The following RARB variants were observed in gnomAD, a reference collection of about 807,000 sequenced individuals.
RARB encodes retinoic acid receptor beta.
Under a neutral mutation model 51.9 loss-of-function variants are expected in RARB, and 17 were observed. The observed-to-expected ratio is 0.33, with a 90% CI of 0.22 to 0.49. RARB has a LOEUF of 0.49. Among genes scored for constraint, RARB ranks in the 20% least tolerant of loss-of-function variants. The pLI is 0.99. For missense variants in RARB, 369 were observed against 550.8 expected, an observed-to-expected ratio of 0.67 and a Z score of 3.30; for synonymous variants, 215 against 195.4, an observed-to-expected ratio of 1.10 and a Z score of -0.84.
chr3:25,360,373 C>T (rs1249792034), intron 5 of RARB, among the ~76,000 whole-genome samples: 2 of 152,152 alleles, frequency 1.3e-5, no homozygotes, highest in Non-Finnish European at 2.9e-5. Context: ...TGTGTCTCTG[C>T]ATGTGAGATG....
chr3:25,075,879 G>A (rs527558314), intron 3 of RARB, among the ~76,000 whole-genome samples: 1 of 152,174 alleles, frequency 6.6e-6, no homozygotes, highest in Non-Finnish European at 1.5e-5. Flanking sequence ...AAATTGAAGA[G>A]TTATCTCTTG....
chr3:25,488,267 T>A (rs73822904), intron 2 of RARB, among the ~76,000 whole-genome samples: 2,301 of 152,288 alleles, frequency 0.015, 61 homozygotes, highest in African/African-American at 0.053. Flanking sequence ...AATAAAAATA[T>A]CAATCTTGAA....
intron 5 of RARB, among the ~76,000 whole-genome samples, chr3:25,198,239 A>G (rs1273909123): frequency 1.3e-5 from 2 of 152,060 alleles, no homozygotes; most frequent in Non-Finnish European, 2.9e-5. Context: ...GAATGAAACT[A>G]GACCCCTTCT....
chr3:25,553,257 A>G (rs533359026), intron 3 of RARB, among the ~76,000 whole-genome samples: 1 of 151,394 alleles, frequency 6.6e-6, no homozygotes, highest in East Asian at 1.9e-4. Context: ...CTTTCACTGG[A>G]TGGGAGCCTC....
At chr3:25,293,649 A>G (rs796641686) in intron 5 of RARB, among the ~76,000 whole-genome samples, 2 of 150,276 alleles carry the variant, frequency 1.3e-5, no homozygotes, top group South Asian at 2.1e-4. Context: ...TGTCTATGAC[A>G]ATAACTAATC....
chr3:25,008,381 C>T (rs1697320653), intron 2 of RARB, among the ~76,000 whole-genome samples: 1 of 152,102 alleles, frequency 6.6e-6, no homozygotes, highest in South Asian at 2.1e-4. Flanking sequence ...TTTATTTTGC[C>T]TGCTCACCTT....
At chr3:25,431,838 G>T (rs1336809814) in intron 1 of RARB, among the ~76,000 whole-genome samples, 4 of 152,050 alleles carry the variant, frequency 2.6e-5, no homozygotes, top group Non-Finnish European at 5.9e-5. Context: ...ATGAGAAAAG[G>T]CCTCTTTTCA....
At chr3:25,259,136 C>A in intron 5 of RARB, 1 of 916,102 alleles carries the variant, frequency 1.1e-6, no homozygotes, top group Non-Finnish European at 1.3e-6. Context: ...TCTCAAGAAA[C>A]ACTATTTAAT....
intron 5 of RARB, among the ~76,000 whole-genome samples, chr3:25,223,870 T>C (rs959962216): frequency 6.6e-6 from 1 of 152,244 alleles, no homozygotes; most frequent in African/African-American, 2.4e-5. Flanking sequence ...TATTTTATTC[T>C]AAATTCCCAG....
chr3:24,869,453 T>A (rs555959701), intron 2 of RARB, among the ~76,000 whole-genome samples: 13 of 152,268 alleles, frequency 8.5e-5, no homozygotes, highest in Non-Finnish European at 1.8e-4. Flanking sequence ...TCAATAATTA[T>A]AACAAGCTTG....
chr3:24,898,104 G>A (rs955624680), intron 2 of RARB, among the ~76,000 whole-genome samples: 1 of 152,064 alleles, frequency 6.6e-6, no homozygotes, highest in African/African-American at 2.4e-5. Flanking sequence ...GAAAGGCCAT[G>A]GAGTTAGGAG....
rs545484704 is a variant in RARB at position 25,067,035 on chromosome 3, T to C, written c.-328+6859T>C. Among the ~76,000 whole-genome samples the C allele has an allele frequency of 2.7e-4, 41 of 152,276 alleles. 1 individual carries two copies. In the South Asian group the frequency reaches 7.5e-3, roughly 28 times the overall value. ...TACATGCTGGATACCATGTTAAGCA[T>C]TGAAAGCACATAGCTGAGAAATGCA... On this transcript the variant is annotated intron_variant, in intron 3 of 11. Transcript: ENST00000383772.
At chr3:25,218,276 C>G (rs1310519819) in intron 5 of RARB, among the ~76,000 whole-genome samples, 2 of 152,056 alleles carry the variant, frequency 1.3e-5, no homozygotes, top group African/African-American at 4.8e-5. Flanking sequence ...ATGTGAGAGT[C>G]GCCAGCCTTG....
intron 2 of RARB, among the ~76,000 whole-genome samples, chr3:25,045,967 C>T (rs1452442807): frequency 6.6e-6 from 1 of 152,196 alleles, no homozygotes; most frequent in East Asian, 1.9e-4. Flanking sequence ...TTAGACCTGG[C>T]TTTTCAATAG....
intron 5 of RARB, among the ~76,000 whole-genome samples, chr3:25,412,915 AG>A (rs1219613331): frequency 1.3e-5 from 2 of 152,076 alleles, no homozygotes; most frequent in African/African-American, 4.8e-5. Context: ...CCTATTCAGG[AG>A]GCTGAGGCAG....
intron 2 of RARB, among the ~76,000 whole-genome samples, chr3:25,014,649 A>C (rs1281998288): frequency 6.6e-6 from 1 of 152,104 alleles, no homozygotes; most frequent in Non-Finnish European, 1.5e-5. Flanking sequence ...ACTTGTGAGC[A>C]AGAAAATGGT....
chr3:25,122,543 C>T (rs1352220285), intron 3 of RARB, among the ~76,000 whole-genome samples: 1 of 152,056 alleles, frequency 6.6e-6, no homozygotes, highest in Non-Finnish European at 1.5e-5. Context: ...GTGGGTGTGT[C>T]CATGCTCAGA....
intron 4 of RARB, among the ~76,000 whole-genome samples, chr3:25,142,086 C>A (rs978913072): frequency 6.6e-6 from 1 of 152,216 alleles, no homozygotes; most frequent in Non-Finnish European, 1.5e-5. Context: ...GATGCCAACA[C>A]TTTGGGAGGA....
intron 5 of RARB, among the ~76,000 whole-genome samples, chr3:25,319,416 G>A (rs775720609): frequency 1.3e-5 from 2 of 152,192 alleles, no homozygotes; most frequent in Non-Finnish European, 2.9e-5. Flanking sequence ...GGGTGAGGGG[G>A]CTTTGAGTAT....
Sources: gnomAD v4.1 joint callset for allele counts (sites outside exome capture counted in the v4.1 genomes callset) on GRCh38, gnomAD v4.1.1 for gene constraint, MANE v1.5 for transcripts, NCBI Gene and HGNC (gene_info 2026-07-23, HGNC 2026-07-21) for gene names.